PDZRN3: variants seen among roughly 807,000 people sequenced by gnomAD.
The protein encoded by PDZRN3 is E3 ubiquitin-protein ligase PDZRN3.
Under a neutral mutation model 85.7 loss-of-function variants are expected in PDZRN3, and 38 were observed. That is an observed-to-expected ratio of 0.44 (90% CI 0.34 to 0.58). PDZRN3 has a LOEUF of 0.58. Ranked by LOEUF, PDZRN3 falls within the 20% of genes least tolerant of loss-of-function variation. The probability of loss-of-function intolerance (pLI) is 0.01; values close to 1 mark genes in which losing one functional copy is unlikely to be tolerated. For missense variants in PDZRN3, 1,629 were observed against 1,506.4 expected (o/e 1.08, Z -1.35); for synonymous variants, 759 against 638.0 (o/e 1.19, Z -2.86).
rs1347469285 is a variant in PDZRN3, at chr3:73,468,776, G to C, written c.919-64381C>G. Among the ~76,000 whole-genome samples the C allele has an allele frequency of 2.0e-5, 3 of 152,158 alleles. No homozygotes were observed. The South Asian group carries it at 6.2e-4, about 32-fold the overall frequency. On this transcript the variant is annotated intron_variant, in intron 3 of 9. Coordinates refer to ENST00000263666, the MANE Select transcript of PDZRN3 (RefSeq NM_015009.3). Reference sequence around the variant, plus strand: ...CACCAGAGGTTAAGCGGGAGATCTGGAGCCAGCGATCCTGGATTTAACCCT... The same window carrying C: ...CACCAGAGGTTAAGCGGGAGATCTGCAGCCAGCGATCCTGGATTTAACCCT...
intron 3 of PDZRN3, among the ~76,000 whole-genome samples, chr3:73,552,139 G>A (rs868241912): frequency 1.1e-4 from 16 of 151,874 alleles, no homozygotes; most frequent in African/African-American, 2.4e-4. Flanking sequence ...CCACGTCCTC[G>A]TCTTCTATCC....
intron 1 of PDZRN3, among the ~76,000 whole-genome samples, chr3:73,622,587 G>A (rs1438027253): frequency 1.3e-5 from 2 of 152,170 alleles, no homozygotes; most frequent in South Asian, 4.1e-4. Flanking sequence ...GGATTGTCAC[G>A]ACTTGGGAGG....
intron 5 of PDZRN3, among the ~76,000 whole-genome samples, chr3:73,397,050 T>C (rs949000077): frequency 2.6e-5 from 4 of 151,798 alleles, no homozygotes; most frequent in Non-Finnish European, 5.9e-5. Flanking sequence ...TTTTTTTTTT[T>C]TGAGACAGAG....
At chr3:73,416,391 C>G (rs1352883382) in intron 3 of PDZRN3, among the ~76,000 whole-genome samples, 1 of 151,720 alleles carries the variant, frequency 6.6e-6, no homozygotes, top group Non-Finnish European at 1.5e-5. Flanking sequence ...TAGATAGATC[C>G]TGGGCTTCTT....
chr3:73,422,733 T>C (rs1306307522), intron 3 of PDZRN3, among the ~76,000 whole-genome samples: 2 of 152,178 alleles, frequency 1.3e-5, no homozygotes, highest in Non-Finnish European at 2.9e-5. Flanking sequence ...GAACAGCCAC[T>C]ACTTCCTGTT....
In PDZRN3 at chr3:73,417,942, A is replaced by ACATCTAC. The variant is rs1419332693; in HGVS notation, c.919-13554_919-13548dup. 2.0e-5 allele frequency among the ~76,000 whole-genome samples: 3 copies of ACATCTAC among 152,230 alleles called. No individual in the cohort carries two copies. In the East Asian group the frequency reaches 5.8e-4, roughly 29 times the overall value. On this transcript the variant is annotated intron_variant, in intron 3 of 9. Transcript: ENST00000263666. ...GGAGCAGGAATAACTAACAGTGGAG[A>ACATCTAC]CATCTACGGTGGAAGACACAGAAAT...
chr3:73,391,804 A>G (rs9843743), intron 5 of PDZRN3, among the ~76,000 whole-genome samples: 106,503 of 152,054 alleles, frequency 0.7, 37,435 homozygotes, highest in East Asian at 0.87. Flanking sequence ...GTGCCATCCT[A>G]GGGCTCTCAG....
chr3:73,458,720 G>A (rs912488202), intron 3 of PDZRN3, among the ~76,000 whole-genome samples: 2 of 151,556 alleles, frequency 1.3e-5, no homozygotes, highest in African/African-American at 2.4e-5. Context: ...GGCTGGGTGC[G>A]GTGGCTCACA....
At chr3:73,397,181 G>A (rs545618903) in intron 5 of PDZRN3, among the ~76,000 whole-genome samples, 2 of 152,068 alleles carry the variant, frequency 1.3e-5, no homozygotes, top group African/African-American at 4.8e-5. Context: ...TTACAGGTGT[G>A]AGCCACTGCG....
chr3:73,390,564 T>C (rs1701500508), intron 6 of PDZRN3, among the ~76,000 whole-genome samples: 1 of 151,990 alleles, frequency 6.6e-6, no homozygotes, highest in East Asian at 1.9e-4. Flanking sequence ...CTATGTAGTT[T>C]GATAAGTACA....
chr3:73,559,153 G>T (rs1701764250), intron 3 of PDZRN3, among the ~76,000 whole-genome samples: 1 of 152,164 alleles, frequency 6.6e-6, no homozygotes, highest in Non-Finnish European at 1.5e-5. Flanking sequence ...CCTTTCTCTG[G>T]CTGATGCCTT....
intron 3 of PDZRN3, among the ~76,000 whole-genome samples, chr3:73,461,698 G>C (rs557263043): frequency 1.3e-5 from 2 of 152,094 alleles, no homozygotes; most frequent in African/African-American, 4.8e-5. Flanking sequence ...ATGGTTTTGC[G>C]GACAGCAGAT....
Position 73,433,500 on chromosome 3 carries a change from A to G in PDZRN3, c.919-29105T>C, listed in dbSNP as rs1045795656. On this transcript the variant is annotated intron_variant, in intron 3 of 9. Coordinates refer to ENST00000263666, the MANE Select transcript of PDZRN3 (RefSeq NM_015009.3). ...ACAGACTTAAGAGAAAATACACAAAAAAGTCAGAAAGGCTGCGTCTTTCAG... is the reference window on the plus strand; with the variant it reads ...ACAGACTTAAGAGAAAATACACAAAGAAGTCAGAAAGGCTGCGTCTTTCAG... 1.2e-5 allele frequency: 7 copies of G among 607,990 alleles called. No individual in the cohort carries two copies. The Admixed American group carries it at 1.2e-4, about 10-fold the overall frequency. 37.7% of individuals were successfully genotyped at this position (607,990 alleles called of 1,614,324 possible). A position where few individuals can be genotyped will look rare whatever the true frequency, so the allele number is the denominator to read the frequency against.
At chr3:73,484,149 G>A (rs1028441535) in intron 3 of PDZRN3, among the ~76,000 whole-genome samples, 2 of 152,134 alleles carry the variant, frequency 1.3e-5, no homozygotes, top group Non-Finnish European at 2.9e-5. Context: ...AATTGACAGC[G>A]GGTGTGTGAG....
intron 3 of PDZRN3, among the ~76,000 whole-genome samples, chr3:73,443,445 TCTA>T (rs1239613059): frequency 6.6e-6 from 1 of 150,982 alleles, no homozygotes; most frequent in Non-Finnish European, 1.5e-5. Context: ...ACTTACAGCC[TCTA>T]CTACTATTAA....
intron 3 of PDZRN3, among the ~76,000 whole-genome samples, chr3:73,566,070 G>C (rs965381711): frequency 1.3e-5 from 2 of 152,182 alleles, no homozygotes; most frequent in African/African-American, 4.8e-5. Flanking sequence ...AAAAAGGCAA[G>C]GGAGTAAAAA....
rs1157552913 is a variant in PDZRN3 at position 73,384,641 on chromosome 3, T to G, written c.1925A>C (p.Glu642Ala). The stretch of plus-strand genomic sequence containing the variant: ...CAGGAGCTCGCGGAAGCGCTCGCAC[T>G]CGTCCACCGGGATCCCCAGGTAGTC... ...DADYLGIPVD[E>A]CERFRELLEL... is the part of the protein sequence containing the mutation. Residue 642 changes from glutamate to alanine, a missense_variant, in exon 10 of 10, where the codon GAG becomes GCG. Physicochemically the swap from Glu to Ala is moderately radical, Grantham distance 107 (BLOSUM62 -1). Coordinates refer to ENST00000263666, the MANE Select transcript of PDZRN3 (RefSeq NM_015009.3). 1 of 1,613,848 alleles carries G rather than the reference T, an allele frequency of 6.2e-7. No individual in the cohort carries two copies. The highest frequency in any genetic ancestry group is 2.2e-5 in the East Asian group (1 of 44,838).
chr3:73,435,037 C>G (rs1702504967), intron 3 of PDZRN3, among the ~76,000 whole-genome samples: 1 of 152,210 alleles, frequency 6.6e-6, no homozygotes, highest in Non-Finnish European at 1.5e-5. Context: ...ACAAAGGTTT[C>G]ATTTTACAAA....
chr3:73,505,771 T>A (rs4677294), intron 3 of PDZRN3, among the ~76,000 whole-genome samples: 38,774 of 151,384 alleles, frequency 0.26, 5,628 homozygotes, highest in Middle Eastern at 0.35. Context: ...CTTGTTTTTT[T>A]AAAAAAAAAC....
Sources: gnomAD v4.1 joint callset for allele counts (sites outside exome capture counted in the v4.1 genomes callset) on GRCh38, gnomAD v4.1.1 for gene constraint, MANE v1.5 for transcripts, NCBI Gene and HGNC (gene_info 2026-07-23, HGNC 2026-07-21) for gene names.